The following RNF6 variants were observed in gnomAD, a reference collection of about 807,000 sequenced individuals.
RNF6 encodes the protein E3 ubiquitin-protein ligase RNF6.
Under a neutral mutation model 50.1 loss-of-function variants are expected in RNF6, and 21 were observed. That is an observed-to-expected ratio of 0.42 (90% CI 0.30 to 0.60). RNF6 has a LOEUF of 0.60. Ranked by LOEUF, RNF6 falls within the 20% of genes least tolerant of loss-of-function variation. The pLI is 0.20. For missense variants in RNF6, 698 were observed against 838.2 expected (o/e 0.83, Z 2.07); for synonymous variants, 255 against 291.8 (o/e 0.87, Z 1.29).
At position 26,166,132 on chromosome 13, in the gene RNF6, C is replaced by T. The variant is rs143219674; in HGVS notation, n.769-33681G>A. The stretch of plus-strand genomic sequence containing the variant: ...TTCTAGTGATAGTGAATAAGTCTCA[C>T]GAGATCTGATGGTTTTATAAAGGGG... On this transcript the variant is annotated intron_variant and non_coding_transcript_variant, in intron 5 of 5. Transcript: ENST00000468480. 3.9e-4 allele frequency among the ~76,000 whole-genome samples: 60 copies of T among 152,252 alleles called. 1 individual carries two copies. The highest frequency in any genetic ancestry group is 1.3e-3 in the African/African-American group (56 of 41,548).
Position 26,213,841 on chromosome 13 carries a change from T to C in RNF6, c.2041A>G (p.Ile681Val), listed in dbSNP as rs919116514. 5 of 1,610,704 alleles carry C rather than the reference T, an allele frequency of 3.1e-6. No homozygotes were observed. Among genetic ancestry groups the C allele is most frequent in the African/African-American group, 1.3e-5 (1 of 74,906 alleles). Residue 681 changes from isoleucine to valine, a missense_variant, in exon 5 of 5, where the codon ATA (isoleucine) becomes GTA (valine). By Grantham distance (29) the Ile-to-Val change is conservative. Transcript: ENST00000381588. ...ICRQPVLGSNIANNG is the reference protein window; with the variant it reads ...ICRQPVLGSNVANNG ...CCATCACCTTACCCATTGTTTGCTA[T>C]GTTAGACCCTAAAACAGGCTGCCGA...
At chr13:26,198,706 T>C (rs931774596) in intron 5 of RNF6, among the ~76,000 whole-genome samples, 3 of 152,050 alleles carry the variant, frequency 2.0e-5, no homozygotes, top group African/African-American at 7.3e-5. Context: ...AAAAGTATCT[T>C]GATTTGCATA....
At chr13:26,162,232 G>A (rs1222493668) in intron 5 of RNF6, among the ~76,000 whole-genome samples, 1 of 152,042 alleles carries the variant, frequency 6.6e-6, no homozygotes, top group Admixed American at 6.5e-5. Context: ...CCCAGAGCCA[G>A]GTACCAGGCC....
downstream of RNF6, among the ~76,000 whole-genome samples, chr13:26,211,032 T>C (rs891049592): frequency 1.3e-5 from 2 of 152,228 alleles, no homozygotes; most frequent in African/African-American, 4.8e-5. Context: ...AAATGAAGAA[T>C]TTCTAACTAT....
intron 5 of RNF6, among the ~76,000 whole-genome samples, chr13:26,153,403 G>A (rs1409726900): frequency 6.6e-6 from 1 of 151,948 alleles, no homozygotes; most frequent in African/African-American, 2.4e-5. Context: ...TAGTAGAGAC[G>A]GGGTTTCACC....
rs550671513 is a variant in RNF6 at position 26,220,562 on chromosome 13, T to A, written c.-19+686A>T. Reference sequence around the variant, plus strand: ...TATTCAGTAAGTCACACTAAAGCAATGGTTCTCAAACTCACTTAAGGGTAT... The same window carrying A: ...TATTCAGTAAGTCACACTAAAGCAAAGGTTCTCAAACTCACTTAAGGGTAT... On this transcript the variant is annotated intron_variant, in intron 2 of 4. Transcript: ENST00000381588. Among the ~76,000 whole-genome samples the A allele has an allele frequency of 2.0e-5, 3 of 152,320 alleles. No homozygotes were observed. The South Asian group carries it at 6.2e-4, about 32-fold the overall frequency.
At chr13:26,187,830 C>T (rs1312716255) in intron 5 of RNF6, among the ~76,000 whole-genome samples, 1 of 152,122 alleles carries the variant, frequency 6.6e-6, no homozygotes, top group Non-Finnish European at 1.5e-5. Context: ...CTTAAGCAGT[C>T]CTCCTGCCTC....
At chr13:26,149,643 CT>C (rs1175563356) in intron 5 of RNF6, among the ~76,000 whole-genome samples, 1 of 151,328 alleles carries the variant, frequency 6.6e-6, no homozygotes, top group African/African-American at 2.4e-5. Context: ...GTAAAGTCCT[CT>C]TTGGCTATAA....
chr13:26,140,490 C>G (rs1019210475), intron 5 of RNF6, among the ~76,000 whole-genome samples: 4 of 152,134 alleles, frequency 2.6e-5, no homozygotes, highest in Non-Finnish European at 4.4e-5. Context: ...ATCAAAGGAA[C>G]ATACCTCAAA....
intron 5 of RNF6, among the ~76,000 whole-genome samples, chr13:26,144,168 G>T (rs1871109258): frequency 6.6e-6 from 1 of 152,044 alleles, no homozygotes; most frequent in Non-Finnish European, 1.5e-5. Context: ...GTCAACCATG[G>T]ACAGTGGAAG....
intron 5 of RNF6, among the ~76,000 whole-genome samples, chr13:26,196,929 AAC>A (rs1237178881): frequency 2.0e-5 from 3 of 152,062 alleles, no homozygotes; most frequent in Admixed American, 6.6e-5. Context: ...AAGATATGAT[AAC>A]ACAAATGATG....
intron 5 of RNF6, among the ~76,000 whole-genome samples, chr13:26,146,876 T>C (rs57166295): frequency 0.042 from 6,428 of 152,218 alleles, 246 homozygotes; most frequent in Middle Eastern, 0.099. Flanking sequence ...GACTGAATCA[T>C]GGGGGCAGAC....
intron 5 of RNF6, among the ~76,000 whole-genome samples, chr13:26,182,335 C>G (rs1873281373): frequency 7.7e-6 from 1 of 129,958 alleles, no homozygotes; most frequent in African/African-American, 2.8e-5. Context: ...AGGTTTGTCT[C>G]TTTGCTTCCT....
At chr13:26,145,450 A>AGGGGG (rs869057756) in intron 5 of RNF6, among the ~76,000 whole-genome samples, 9 of 27,316 alleles carry the variant, frequency 3.3e-4, no homozygotes, top group African/African-American at 5.2e-4. Flanking sequence ...AATCATGGGG[A>AGGGGG]GGGGGGGGGA....
intron 5 of RNF6, among the ~76,000 whole-genome samples, chr13:26,186,028 T>C (rs1873503107): frequency 6.6e-6 from 1 of 152,110 alleles, no homozygotes; most frequent in Non-Finnish European, 1.5e-5. Context: ...TAAACATAGA[T>C]ATGAAACAAA....
chr13:26,193,540 C>T (rs1232438157), intron 5 of RNF6, among the ~76,000 whole-genome samples: 1 of 152,092 alleles, frequency 6.6e-6, no homozygotes, highest in Non-Finnish European at 1.5e-5. Context: ...TAAAGCCTGA[C>T]TGGAATGTGT....
chr13:26,186,036 A>G (rs1455454314), intron 5 of RNF6, among the ~76,000 whole-genome samples: 1 of 152,212 alleles, frequency 6.6e-6, no homozygotes, highest in Non-Finnish European at 1.5e-5. Context: ...GATATGAAAC[A>G]AACACAAAAT....
At chr13:26,167,462 C>T (rs763220955) in intron 5 of RNF6, among the ~76,000 whole-genome samples, 2 of 152,128 alleles carry the variant, frequency 1.3e-5, no homozygotes, top group Non-Finnish European at 2.9e-5. Context: ...CTCAATATCG[C>T]TGATAATTAG....
At chr13:26,188,502 C>T (rs1360957542) in intron 5 of RNF6, among the ~76,000 whole-genome samples, 1 of 152,086 alleles carries the variant, frequency 6.6e-6, no homozygotes, top group Non-Finnish European at 1.5e-5. Flanking sequence ...CCAAAAATTC[C>T]AGTCACTGCA....
Sources: allele counts gnomAD v4.1 joint callset (sites outside exome capture counted in the v4.1 genomes callset), GRCh38; gene constraint gnomAD v4.1.1; transcripts MANE v1.5; gene names NCBI Gene and HGNC (gene_info 2026-07-23, HGNC 2026-07-21).